The following FZD6 variants were observed in gnomAD, a reference collection of about 807,000 sequenced individuals.
FZD6 encodes the protein frizzled-6.
In FZD6, 49 loss-of-function variants were observed where a neutral mutation model predicts 61.4. That is an observed-to-expected ratio of 0.80 (90% CI 0.63 to 1.01). FZD6 has a LOEUF of 1.01. FZD6 is among the 50% of genes least tolerant of loss of function. The probability of loss-of-function intolerance (pLI) is 0.00; values close to 1 mark genes in which losing one functional copy is unlikely to be tolerated. For missense variants in FZD6, 724 were observed against 848.2 expected, an observed-to-expected ratio of 0.85 and a Z score of 1.82; for synonymous variants, 265 against 292.2, an observed-to-expected ratio of 0.91 and a Z score of 0.95.
chr8:103,323,725 C>A (rs143039633), intron 3 of FZD6, among the ~76,000 whole-genome samples: 1 of 152,190 alleles, frequency 6.6e-6, no homozygotes, highest in Non-Finnish European at 1.5e-5. Flanking sequence ...GCCACCGTAC[C>A]TGGCCAAAAC....
chr8:103,318,840 GCT>G, intron 3 of FZD6, 54 bp downstream of exon 3: 1 of 958,554 alleles, frequency 1.0e-6, no homozygotes, highest in Non-Finnish European at 1.7e-6. Flanking sequence ...ACTGGTACTA[GCT>G]CTCTGGGATG....
At chr8:103,324,241 A>G (rs1297555255) in intron 3 of FZD6, among the ~76,000 whole-genome samples, 1 of 152,108 alleles carries the variant, frequency 6.6e-6, no homozygotes, top group Admixed American at 6.6e-5. Flanking sequence ...GTGCATTTTC[A>G]TGTTCACCTG....
At chr8:103,310,793 C>T (rs904445858) in intron 2 of FZD6, among the ~76,000 whole-genome samples, 2 of 152,262 alleles carry the variant, frequency 1.3e-5, no homozygotes, top group East Asian at 1.9e-4. Context: ...TAAGCTAAAA[C>T]CAAGCTAAGT....
intron 2 of FZD6, among the ~76,000 whole-genome samples, chr8:103,303,894 C>T (rs1024664721): frequency 1.1e-4 from 17 of 150,788 alleles, no homozygotes; most frequent in African/African-American, 3.9e-4. Flanking sequence ...AACTTTTGAT[C>T]GGACCGTTGG....
At chr8:103,308,577 G>A (rs1814405802) in intron 2 of FZD6, among the ~76,000 whole-genome samples, 1 of 152,150 alleles carries the variant, frequency 6.6e-6, no homozygotes, top group Non-Finnish European at 1.5e-5. Flanking sequence ...GGCTGTAATT[G>A]TTTCTTCATG....
chr8:103,328,602 T>C (rs1442721379), intron 5 of FZD6, among the ~76,000 whole-genome samples, 186 bp downstream of exon 5: 3 of 152,074 alleles, frequency 2.0e-5, no homozygotes, highest in African/African-American at 7.2e-5. Flanking sequence ...GTTACAATAG[T>C]CTTTGACATA....
In FZD6 at chr8:103,299,968, G is replaced by T; in HGVS notation, c.-140G>T. On this transcript the variant is annotated 5_prime_UTR_variant, in exon 2 of 7. Coordinates refer to ENST00000358755, the MANE Select transcript of FZD6 (RefSeq NM_003506.4). ...TTTGTTTTTACAGTAATTGACCCAGGACTCATTTTCAGGAAAGCCTGAAAA... is the reference window on the plus strand; with the variant it reads ...TTTGTTTTTACAGTAATTGACCCAGTACTCATTTTCAGGAAAGCCTGAAAA... The T allele has an allele frequency of 1.5e-6, 1 of 667,280 alleles. No individual in the cohort carries two copies. The highest frequency in any genetic ancestry group is 2.7e-6 in the Non-Finnish European group (1 of 365,984). 41.3% of individuals were successfully genotyped at this position (667,280 alleles called of 1,614,324 possible). A position where few individuals can be genotyped will look rare whatever the true frequency, so the allele number is the denominator to read the frequency against.
At chr8:103,306,866 C>A (rs1038455690) in intron 2 of FZD6, among the ~76,000 whole-genome samples, 5 of 152,064 alleles carry the variant, frequency 3.3e-5, no homozygotes, top group African/African-American at 1.2e-4. Context: ...TAATCACCAT[C>A]ACTGTAAATC....
chr8:103,310,957 G>GT (rs556438679), intron 2 of FZD6, among the ~76,000 whole-genome samples: 20 of 151,896 alleles, frequency 1.3e-4, no homozygotes, highest in Non-Finnish European at 2.2e-4. Flanking sequence ...CATTCTTTAT[G>GT]TTTTTTTTCT....
Position 103,325,402 on chromosome 8 carries a change from CG to C in FZD6, c.1298del (p.Gly433AspfsTer8). On this transcript the variant is annotated frameshift_variant, in exon 4 of 7. Coordinates refer to ENST00000358755, the MANE Select transcript of FZD6 (RefSeq NM_003506.4). LOFTEE classifies it high-confidence loss of function. ...LYLVPLVTLL[G>X]CYVYEQVNRI... ...ATCTTGTGCCATTAGTGACACTTCT[CG>C]GATGTTACGTCTATGAGCAAGTGAA... 2 of 1,613,186 alleles carry C rather than the reference CG, an allele frequency of 1.2e-6. No homozygotes were observed. The highest frequency in any genetic ancestry group is 1.7e-6 in the Non-Finnish European group (2 of 1,179,208).
chr8:103,321,473 A>G (rs1298532063), intron 3 of FZD6, among the ~76,000 whole-genome samples: 1 of 152,214 alleles, frequency 6.6e-6, no homozygotes, highest in African/African-American at 2.4e-5. Context: ...ACACACAAAG[A>G]AAGAGGGGAA....
At position 103,300,041 on chromosome 8, in the gene FZD6, G is replaced by T; in HGVS notation, c.-67G>T. 1 of 923,878 alleles carries T rather than the reference G, an allele frequency of 1.1e-6. No homozygotes were observed. Among genetic ancestry groups the T allele is most frequent in the Non-Finnish European group, 1.8e-6 (1 of 554,120 alleles). The allele number at this position is 923,878 out of a possible 1,614,324, so 57.2% of individuals were successfully genotyped here. On this transcript the variant is annotated 5_prime_UTR_variant, in exon 2 of 7. Coordinates refer to ENST00000358755, the MANE Select transcript of FZD6 (RefSeq NM_003506.4). ...AATTTGAACATTTTATCTTTGGATG[G>T]GGATCTTCTGAGGATGCAAAGAGTG...
chr8:103,325,825 A>G (rs576631804), intron 4 of FZD6, among the ~76,000 whole-genome samples: 44 of 152,336 alleles, frequency 2.9e-4, no homozygotes, highest in African/African-American at 9.9e-4. Context: ...CTTTTGTCGC[A>G]TTGGCAATTA....
chr8:103,328,545 GTT>G, intron 5 of FZD6, 129 bp downstream of exon 5: 1 of 789,994 alleles, frequency 1.3e-6, no homozygotes, highest in Non-Finnish European at 2.0e-6. Flanking sequence ...GCCAACTGAA[GTT>G]TGGAAATTTT....
chr8:103,308,486 G>A (rs1189448883), intron 2 of FZD6, among the ~76,000 whole-genome samples: 1 of 152,024 alleles, frequency 6.6e-6, no homozygotes, highest in East Asian at 1.9e-4. Flanking sequence ...TTGAAGTTCT[G>A]CCTGCTAGGG....
At chr8:103,303,620 A>G (rs1021709079) in intron 2 of FZD6, among the ~76,000 whole-genome samples, 1 of 152,182 alleles carries the variant, frequency 6.6e-6, no homozygotes, top group Admixed American at 6.5e-5. Context: ...TTATGTCCCA[A>G]TAAGGTAGCA....
chr8:103,328,205 A>G (rs1390666199), intron 4 of FZD6, 63 bp from the exon 5 acceptor site: 12 of 1,235,828 alleles, frequency 9.7e-6, no homozygotes, highest in African/African-American at 1.5e-5. Context: ...TATATTGACA[A>G]TATAGACTTC....
intron 2 of FZD6, among the ~76,000 whole-genome samples, chr8:103,302,724 C>T (rs1814208181): frequency 6.6e-6 from 1 of 152,152 alleles, no homozygotes; most frequent in African/African-American, 2.4e-5. Flanking sequence ...AAAAATTAAA[C>T]TGGGTGATTG....
chr8:103,320,850 G>A (rs1343210829), intron 3 of FZD6, among the ~76,000 whole-genome samples: 1 of 152,124 alleles, frequency 6.6e-6, no homozygotes, highest in African/African-American at 2.4e-5. Flanking sequence ...GATGATGACA[G>A]CAAAAGGAAA....
Sources: allele counts gnomAD v4.1 joint callset (sites outside exome capture counted in the v4.1 genomes callset), GRCh38; gene constraint gnomAD v4.1.1; transcripts MANE v1.5; gene names NCBI Gene and HGNC (gene_info 2026-07-23, HGNC 2026-07-21).